The following NSMCE2 variants were observed in gnomAD, a reference collection of about 807,000 sequenced individuals.
The protein encoded by NSMCE2 is NSE2 SUMO ligase component of SMC5/6 complex, also known as E3 SUMO-protein ligase NSE2.
NSMCE2 carries 24 observed loss-of-function variants against 23.8 expected under a neutral mutation model. That is an observed-to-expected ratio of 1.01 (90% confidence interval 0.73 to 1.42). The LOEUF (loss-of-function observed/expected upper bound fraction) is 1.42, where lower values mean the gene tolerates loss of function less well. Ranked by LOEUF, NSMCE2 falls within the 40% of genes most tolerant of loss-of-function variation. NSMCE2 has a pLI of 0.00. For missense variants in NSMCE2, 284 were observed against 296.5 expected (o/e 0.96, Z 0.31); for synonymous variants, 92 against 94.1 (o/e 0.98, Z 0.13).
intron 5 of NSMCE2, among the ~76,000 whole-genome samples, chr8:125,274,442 T>A (rs775330159): frequency 2.6e-5 from 4 of 152,194 alleles, no homozygotes; most frequent in African/African-American, 4.8e-5. Flanking sequence ...ATGAATTGCT[T>A]TCTGAGTTGT....
rs1822864509 is a variant in NSMCE2 at position 125,182,266 on chromosome 8, C to T, written c.418+10C>T. 2 of 1,593,596 alleles carry T rather than the reference C, an allele frequency of 1.3e-6. No individual in the cohort carries two copies. The highest frequency in any genetic ancestry group is 1.2e-5 in the South Asian group (1 of 86,810). On this transcript the variant is annotated intron_variant, in intron 5 of 7. Coordinates refer to ENST00000287437, the MANE Select transcript of NSMCE2 (RefSeq NM_173685.4). The stretch of plus-strand genomic sequence containing the variant: ...GAACTAAAGAAGCAATGTAAGTCAA[C>T]ATGCTTTGCTTTGGTTCGGCTTTTT...
chr8:125,298,692 T>TG lies in NSMCE2; in HGVS notation c.419-58527_419-58526insG, dbSNP rs1271230697. ...CATATCAAATTCATCTGTGGGTTTT[T>TG]TTTTGTTTTTTTTTTTTTTTCCCCA... On this transcript the variant is annotated intron_variant, in intron 5 of 7. Transcript: ENST00000287437. 1.5e-3 allele frequency among the ~76,000 whole-genome samples: 124 copies of TG among 83,638 alleles called. 3 individuals carry two copies. The highest frequency in any genetic ancestry group is 4.6e-3 in the African/African-American group (98 of 21,486). 54.9% of individuals were successfully genotyped at this position (83,638 alleles called of 152,430 possible).
At chr8:125,168,583 A>G (rs566851083) in intron 4 of NSMCE2, among the ~76,000 whole-genome samples, 7 of 152,198 alleles carry the variant, frequency 4.6e-5, no homozygotes, top group Non-Finnish European at 1.0e-4. Context: ...CCTTCTGGCT[A>G]TATCCTCACA....
At chr8:125,254,655 C>T (rs1157651324) in intron 5 of NSMCE2, among the ~76,000 whole-genome samples, 1 of 151,094 alleles carries the variant, frequency 6.6e-6, no homozygotes, top group African/African-American at 2.4e-5. Flanking sequence ...GTAAATTCTT[C>T]CCATTTCTAA....
intron 3 of NSMCE2, among the ~76,000 whole-genome samples, chr8:125,111,202 G>T (rs752954735): frequency 2.0e-5 from 3 of 152,144 alleles, no homozygotes; most frequent in African/African-American, 7.2e-5. Flanking sequence ...CAGAGTTCAT[G>T]ATGAGTAAAA....
At chr8:125,317,233 T>C (rs965720184) in intron 5 of NSMCE2, among the ~76,000 whole-genome samples, 1 of 152,076 alleles carries the variant, frequency 6.6e-6, no homozygotes, top group South Asian at 2.1e-4. Flanking sequence ...GGTCTCACTC[T>C]ATCACCCAGG....
chr8:125,122,007 G>A (rs972937571), intron 3 of NSMCE2, among the ~76,000 whole-genome samples: 4 of 151,954 alleles, frequency 2.6e-5, no homozygotes, highest in Non-Finnish European at 1.5e-5. Flanking sequence ...TCTGAGATAA[G>A]TTCTTACCTA....
chr8:125,328,941 C>T (rs998763219), intron 5 of NSMCE2, among the ~76,000 whole-genome samples: 7 of 152,202 alleles, frequency 4.6e-5, no homozygotes, highest in African/African-American at 9.7e-5. Flanking sequence ...CAGTTCAGCA[C>T]CTTCTTGGCT....
intron 3 of NSMCE2, among the ~76,000 whole-genome samples, chr8:125,145,446 G>A (rs1015490570): frequency 3.9e-5 from 6 of 152,096 alleles, no homozygotes; most frequent in Non-Finnish European, 5.9e-5. Flanking sequence ...CTTAATTGAC[G>A]TATCAGGTGA....
intron 5 of NSMCE2, among the ~76,000 whole-genome samples, chr8:125,342,888 G>A (rs980662425): frequency 2.0e-5 from 3 of 152,164 alleles, no homozygotes; most frequent in African/African-American, 7.2e-5. Flanking sequence ...GTTGTTGACA[G>A]GATTGTTAGG....
intron 3 of NSMCE2, among the ~76,000 whole-genome samples, chr8:125,115,681 G>A (rs1818971025): frequency 6.6e-6 from 1 of 152,194 alleles, no homozygotes; most frequent in South Asian, 2.1e-4. Context: ...AACCAGGTGG[G>A]TGGAGGTTGC....
At chr8:125,365,214 T>G (rs911423599) in intron 7 of NSMCE2, among the ~76,000 whole-genome samples, 2 of 152,130 alleles carry the variant, frequency 1.3e-5, no homozygotes, top group Non-Finnish European at 2.9e-5. Context: ...CTGCAGCCTG[T>G]TTTGCCCCAT....
At chr8:125,306,644 A>C (rs1234435893) in intron 5 of NSMCE2, among the ~76,000 whole-genome samples, 2 of 152,222 alleles carry the variant, frequency 1.3e-5, no homozygotes, top group Non-Finnish European at 2.9e-5. Flanking sequence ...CAGAACAGAG[A>C]ATTCCCAAGC....
chr8:125,155,401 T>C (rs1821255894), intron 4 of NSMCE2, among the ~76,000 whole-genome samples: 1 of 152,194 alleles, frequency 6.6e-6, no homozygotes, highest in Non-Finnish European at 1.5e-5. Context: ...ATCCAAAGAC[T>C]TATTGTGAAA....
intron 3 of NSMCE2, among the ~76,000 whole-genome samples, chr8:125,134,140 T>C (rs956024854): frequency 2.0e-5 from 3 of 152,264 alleles, no homozygotes; most frequent in Non-Finnish European, 4.4e-5. Flanking sequence ...CATTAAAAGC[T>C]GGTTTCTTTC....
chr8:125,345,297 C>T (rs565262321), intron 5 of NSMCE2, among the ~76,000 whole-genome samples: 1 of 152,242 alleles, frequency 6.6e-6, no homozygotes, highest in South Asian at 2.1e-4. Flanking sequence ...AATGGTATGA[C>T]CTACACGGTA....
chr8:125,343,265 TC>T (rs1476801135), intron 5 of NSMCE2, among the ~76,000 whole-genome samples: 2 of 152,204 alleles, frequency 1.3e-5, no homozygotes, highest in Non-Finnish European at 2.9e-5. Flanking sequence ...CACAGGTACT[TC>T]CTCCTTCACT....
intron 5 of NSMCE2, among the ~76,000 whole-genome samples, chr8:125,304,107 G>A (rs978940058): frequency 3.3e-5 from 5 of 152,168 alleles, no homozygotes; most frequent in African/African-American, 1.2e-4. Flanking sequence ...AGTCAAACGT[G>A]GCTGTGAATT....
At chr8:125,269,271 A>G (rs1295379329) in intron 5 of NSMCE2, among the ~76,000 whole-genome samples, 3 of 152,070 alleles carry the variant, frequency 2.0e-5, no homozygotes, top group Non-Finnish European at 4.4e-5. Flanking sequence ...TATTTTTAGT[A>G]AAGACAGGGT....
Sources: gnomAD v4.1 joint callset for allele counts (sites outside exome capture counted in the v4.1 genomes callset) on GRCh38, gnomAD v4.1.1 for gene constraint, MANE v1.5 for transcripts, NCBI Gene and HGNC (gene_info 2026-07-23, HGNC 2026-07-21) for gene names.